Variants in KCNG2 observed in about 807,000 individuals in gnomAD.
KCNG2 encodes the protein voltage-gated potassium channel regulatory subunit KCNG2.
In KCNG2, 7 loss-of-function variants were observed where a neutral mutation model predicts 12.3. The observed-to-expected ratio is 0.57, with a 90% CI of 0.32 to 1.07. The LOEUF (loss-of-function observed/expected upper bound fraction) is 1.07, where lower values mean the gene tolerates loss of function less well. KCNG2 is among the 50% of genes least tolerant of loss of function. KCNG2 has a pLI of 0.04. For synonymous variants in KCNG2, 414 were observed against 351.4 expected, an observed-to-expected ratio of 1.18 and a Z score of -1.99; for missense variants, 703 against 726.0, an observed-to-expected ratio of 0.97 and a Z score of 0.36.
intron 1 of KCNG2, among the ~76,000 whole-genome samples, chr18:79,819,197 C>T (rs964814425): frequency 2.0e-5 from 3 of 152,190 alleles, no homozygotes; most frequent in South Asian, 2.1e-4. Context: ...GCACCCAGGA[C>T]GTGTCAGAGG....
At chr18:79,853,625 C>T (rs898229091) in intron 1 of KCNG2, among the ~76,000 whole-genome samples, 10 of 152,172 alleles carry the variant, frequency 6.6e-5, no homozygotes, top group South Asian at 2.1e-4. Flanking sequence ...GTGGGTGCAG[C>T]GGACAGGAAG....
Position 79,800,447 on chromosome 18 carries a change from A to G in KCNG2, c.-115+2433A>G, listed in dbSNP as rs1437349846. Among the ~76,000 whole-genome samples, 1 of 152,208 alleles carries G rather than the reference A, an allele frequency of 6.6e-6. No individual in the cohort carries two copies. The highest frequency in any genetic ancestry group is 1.5e-5 in the Non-Finnish European group (1 of 68,030). Reference sequence around the variant, plus strand: ...CCATCAGGTAGCCCAGCCGGTAGGCATGAGTCCAACGAGGGCGGGCATTGA... The same window carrying G: ...CCATCAGGTAGCCCAGCCGGTAGGCGTGAGTCCAACGAGGGCGGGCATTGA... On this transcript the variant is annotated intron_variant, in intron 1 of 3. Coordinates refer to ENST00000316249, the MANE Select transcript of KCNG2 (RefSeq NM_012283.2). The surrounding 1 kb of genome is among the most constrained non-coding windows in gnomAD (Gnocchi z 4.0).
intron 2 of KCNG2, among the ~76,000 whole-genome samples, chr18:79,862,949 G>A (rs1228202819): frequency 6.6e-6 from 1 of 152,206 alleles, no homozygotes; most frequent in East Asian, 1.9e-4. Context: ...GCAGAGCTGG[G>A]GAGCGACAAA....
chr18:79,865,672 TGAGGTCTGGGTGCTGA>T (rs1979473702), intron 3 of KCNG2, among the ~76,000 whole-genome samples: 1 of 138,174 alleles, frequency 7.2e-6, no homozygotes, highest in African/African-American at 2.7e-5. Context: ...ATCTGTGTGC[TGAGGTCTGGGTGCTGA>T]GAGGTCTGGG....
intron 3 of KCNG2, among the ~76,000 whole-genome samples, chr18:79,866,343 TGA>T (rs1356976880): frequency 3.7e-5 from 5 of 135,722 alleles, no homozygotes; most frequent in South Asian, 2.5e-4. Context: ...GTCTGTGTGC[TGA>T]GAGGTCTGTG....
intron 3 of KCNG2, among the ~76,000 whole-genome samples, chr18:79,883,196 G>A (rs1177440282): frequency 6.7e-6 from 1 of 148,410 alleles, no homozygotes; most frequent in Non-Finnish European, 1.5e-5. Flanking sequence ...GCCACGCTGC[G>A]ATCCCGTCTA....
At position 79,899,383 on chromosome 18, in the gene KCNG2, G is replaced by GGCT. The variant is rs762037910; in HGVS notation, c.979_981dup (p.Leu327dup). ...ATGCGCCGCTGCGCGCGCGAGTTCG[G>GGCT]GCTGCTGCTGCTGTTCCTCTGCGTG... On this transcript the variant is annotated inframe_insertion, in exon 4 of 4. Coordinates refer to ENST00000316249, the MANE Select transcript of KCNG2 (RefSeq NM_012283.2). 5 of 1,567,014 alleles carry GGCT rather than the reference G, an allele frequency of 3.2e-6. No homozygotes were observed. The South Asian group carries it at 3.5e-5, about 11-fold the overall frequency.
intron 3 of KCNG2, among the ~76,000 whole-genome samples, chr18:79,891,715 A>G (rs930558539): frequency 2.6e-5 from 4 of 152,134 alleles, no homozygotes; most frequent in East Asian, 1.9e-4. Context: ...CTAATATTCT[A>G]TTGTGGATGG....
chr18:79,854,662 A>T (rs1193021179), intron 1 of KCNG2, among the ~76,000 whole-genome samples: 3 of 151,820 alleles, frequency 2.0e-5, no homozygotes, highest in South Asian at 2.1e-4. Flanking sequence ...AGTAGCTGGG[A>T]CTACAGGTGC....
intron 1 of KCNG2, among the ~76,000 whole-genome samples, chr18:79,823,437 C>T (rs1025006320): frequency 2.0e-5 from 3 of 152,124 alleles, no homozygotes; most frequent in Non-Finnish European, 2.9e-5. Context: ...CCGTGTCGAG[C>T]GCTGTTTGCT....
At chr18:79,868,369 C>T (rs112120645) in intron 3 of KCNG2, among the ~76,000 whole-genome samples, 14 of 152,256 alleles carry the variant, frequency 9.2e-5, no homozygotes, top group African/African-American at 2.9e-4. Flanking sequence ...AGCAGTCGCC[C>T]TCCGCGTGGG....
At chr18:79,840,624 G>A (rs1978430053) in intron 1 of KCNG2, among the ~76,000 whole-genome samples, 1 of 152,156 alleles carries the variant, frequency 6.6e-6, no homozygotes, top group African/African-American at 2.4e-5. Flanking sequence ...AAGGGAACTA[G>A]AATAGGTAAA....
chr18:79,879,494 G>A (rs1980210241), intron 3 of KCNG2, among the ~76,000 whole-genome samples: 1 of 152,190 alleles, frequency 6.6e-6, no homozygotes, highest in African/African-American at 2.4e-5. Context: ...AAGACGCCAT[G>A]AAAAAGGAAC....
chr18:79,812,435 A>G (rs1215214787), intron 1 of KCNG2, among the ~76,000 whole-genome samples: 1 of 152,264 alleles, frequency 6.6e-6, no homozygotes, highest in African/African-American at 2.4e-5. Flanking sequence ...TCTACCAAAT[A>G]CTTAAAGAAG....
intron 1 of KCNG2, among the ~76,000 whole-genome samples, chr18:79,815,032 T>C (rs2087518965): frequency 1.3e-5 from 2 of 152,186 alleles, no homozygotes; most frequent in Admixed American, 6.5e-5. Context: ...AGGATGTTCT[T>C]TGCAGTATTC....
At chr18:79,812,809 C>T (rs886738808) in intron 1 of KCNG2, among the ~76,000 whole-genome samples, 5 of 152,186 alleles carry the variant, frequency 3.3e-5, no homozygotes, top group South Asian at 2.1e-4. Flanking sequence ...TGCACTGAGC[C>T]GAGATCGCAC....
At chr18:79,838,855 C>G (rs1465432280) in intron 1 of KCNG2, among the ~76,000 whole-genome samples, 1 of 152,242 alleles carries the variant, frequency 6.6e-6, no homozygotes, top group Non-Finnish European at 1.5e-5. Flanking sequence ...AATGTACAAT[C>G]TCAGGTCCCA....
intron 2 of KCNG2, among the ~76,000 whole-genome samples, chr18:79,861,652 T>A (rs1474524172): frequency 6.6e-6 from 1 of 152,250 alleles, no homozygotes; most frequent in Non-Finnish European, 1.5e-5. Flanking sequence ...TTGTTGAGTT[T>A]CTTAGATGTG....
chr18:79,873,272 G>T (rs1043622792), intron 3 of KCNG2, among the ~76,000 whole-genome samples: 2 of 152,126 alleles, frequency 1.3e-5, no homozygotes, highest in Non-Finnish European at 2.9e-5. Context: ...TTTCTTCTTC[G>T]TGGACTTTGT....
Sources: allele counts gnomAD v4.1 joint callset (sites outside exome capture counted in the v4.1 genomes callset), GRCh38; gene constraint gnomAD v4.1.1; non-coding constraint Gnocchi (gnomAD v3.1); transcripts MANE v1.5; gene names NCBI Gene and HGNC (gene_info 2026-07-23, HGNC 2026-07-21).